Variants in GCNT2 observed in about 807,000 individuals in gnomAD.
The protein encoded by GCNT2 is N-acetyllactosaminide beta-1,6-N-acetylglucosaminyl-transferase.
A neutral mutation model predicts 34.2 loss-of-function variants in GCNT2; 34 were observed. The ratio of observed to expected loss-of-function variants is 1.00; its 90% CI spans 0.76 to 1.32. GCNT2 has a LOEUF of 1.32. Among genes scored for constraint, GCNT2 ranks in the 40% most tolerant of loss-of-function variants. GCNT2 has a pLI of 0.00. For missense variants in GCNT2, 584 were observed against 489.4 expected, an observed-to-expected ratio of 1.19 and a Z score of -1.82; for synonymous variants, 212 against 188.0, an observed-to-expected ratio of 1.13 and a Z score of -1.04.
chr6:10,614,625 CAAAAAAA>C (rs34015959), intron 3 of GCNT2, among the ~76,000 whole-genome samples: 9 of 105,992 alleles, frequency 8.5e-5, no homozygotes, highest in East Asian at 4.6e-4. Context: ...GACTCTGTCT[CAAAAAAA>C]AAAAAAAAAA....
intron 3 of GCNT2, among the ~76,000 whole-genome samples, chr6:10,538,651 TA>T (rs1761896880): frequency 6.6e-6 from 1 of 151,790 alleles, no homozygotes; most frequent in African/African-American, 2.4e-5. Context: ...TTTGAGTTTA[TA>T]AAAAGATTGT....
At chr6:10,596,734 TAA>T (rs71548853) in intron 3 of GCNT2, among the ~76,000 whole-genome samples, 2 of 143,730 alleles carry the variant, frequency 1.4e-5, no homozygotes, top group Admixed American at 7.0e-5. Context: ...TTTCCTCTAT[TAA>T]AAAAAAAAAA....
rs143509043 is a variant in GCNT2, at chr6:10,576,697, G to C, written c.926-44654G>C. Among the ~76,000 whole-genome samples the C allele has an allele frequency of 4.5e-3, 677 of 151,124 alleles. 5 individuals are homozygous for C. Among genetic ancestry groups the C allele is most frequent in the African/African-American group, 0.016 (636 of 40,834 alleles). ...AGAAAGAGATTTGGGGAGAGAGAGA[G>C]ACACACACATAGAAAGAAGAACCAG... On this transcript the variant is annotated intron_variant, in intron 3 of 4. Coordinates refer to ENST00000495262, the MANE Select transcript of GCNT2 (RefSeq NM_145649.5).
At chr6:10,577,938 C>T (rs565172435) in intron 3 of GCNT2, among the ~76,000 whole-genome samples, 2 of 152,268 alleles carry the variant, frequency 1.3e-5, no homozygotes, top group African/African-American at 4.8e-5. Flanking sequence ...AACACTTATT[C>T]CTTGATTTAA....
chr6:10,551,307 A>C (rs1030713096), intron 3 of GCNT2, among the ~76,000 whole-genome samples: 3 of 152,032 alleles, frequency 2.0e-5, no homozygotes, highest in African/African-American at 7.2e-5. Context: ...TGCAGATTAC[A>C]CCAGCTCACA....
At chr6:10,556,481 A>C in intron 3 of GCNT2, 1 of 1,614,140 alleles carries the variant, frequency 6.2e-7, no homozygotes, top group South Asian at 1.1e-5. Flanking sequence ...AATTATTTTT[A>C]TCGTCTTCTC....
intron 3 of GCNT2, among the ~76,000 whole-genome samples, chr6:10,613,416 G>A (rs1455221281): frequency 4.0e-5 from 6 of 151,696 alleles, no homozygotes; most frequent in African/African-American, 1.5e-4. Flanking sequence ...ATGAAAAATA[G>A]GCCTTTGCTA....
chr6:10,589,940 T>G (rs1006007835), intron 3 of GCNT2, among the ~76,000 whole-genome samples: 3 of 152,198 alleles, frequency 2.0e-5, no homozygotes, highest in African/African-American at 4.8e-5. Flanking sequence ...TTCATTACTT[T>G]GTAGTATTTT....
At chr6:10,587,567 T>A (rs1764411884) in intron 3 of GCNT2, among the ~76,000 whole-genome samples, 1 of 152,194 alleles carries the variant, frequency 6.6e-6, no homozygotes, top group Admixed American at 6.5e-5. Flanking sequence ...AAGAGAATTC[T>A]CAATTTTTAA....
At position 10,529,174 on chromosome 6, in the gene GCNT2, T is replaced by A. The variant is rs143453847; in HGVS notation, c.263T>A (p.Leu88His). 123 of 1,613,964 alleles carry A rather than the reference T, an allele frequency of 7.6e-5. No individual in the cohort carries two copies. The highest frequency in any genetic ancestry group is 1.0e-4 in the Non-Finnish European group (120 of 1,179,996). Reference sequence around the variant, plus strand: ...CGAAGCCACTATGTAACAGAAACACTCTCTGAAGAAGAGGCTGGGTTCCCT... The same window carrying A: ...CGAAGCCACTATGTAACAGAAACACACTCTGAAGAAGAGGCTGGGTTCCCT... ...MVRSHYVTET[L>H]SEEEAGFPLA... is the part of the protein sequence containing the mutation. The change falls in exon 3 of 5, where the codon CTC (leucine) becomes CAC (histidine). Residue 88 changes from leucine (L) to histidine (H), a missense_variant. Physicochemically the swap from Leu to His is moderately conservative, Grantham distance 99. Transcript: ENST00000495262.
At chr6:10,573,281 A>G (rs1227538439) in intron 3 of GCNT2, 6 of 985,016 alleles carry the variant, frequency 6.1e-6, no homozygotes, top group Non-Finnish European at 7.2e-6. Context: ...AAAGACAAAT[A>G]GTTACCTACG....
intron 3 of GCNT2, among the ~76,000 whole-genome samples, chr6:10,569,758 T>C (rs182863820): frequency 6.6e-6 from 1 of 152,354 alleles, no homozygotes; most frequent in East Asian, 1.9e-4. Context: ...TTTCTCAGTG[T>C]AGTTTTTCCA....
rs968608079 is a variant in GCNT2, at chr6:10,581,993, TATAA to T, written c.926-39354_926-39351del. On this transcript the variant is annotated intron_variant, in intron 3 of 4. Transcript: ENST00000495262. ...ATATATACACACACTTATATGTATA[TATAA>T]ATATATTTATGTGTATATATGTATA... The T allele has an allele frequency of 6.1e-5, 16 of 263,934 alleles. No homozygotes were observed. In the East Asian group the frequency reaches 7.1e-4, roughly 12 times the overall value. 16.3% of individuals were successfully genotyped at this position (263,934 alleles called of 1,614,324 possible).
chr6:10,590,504 C>T lies in GCNT2; in HGVS notation c.926-30847C>T, dbSNP rs1382398184. Among the ~76,000 whole-genome samples, 5 of 151,906 alleles carry T rather than the reference C, an allele frequency of 3.3e-5. No homozygotes were observed. The East Asian group carries it at 7.7e-4, about 23-fold the overall frequency. ...ACCCTCATTTCTCTTTATTTGATGC[C>T]TCATACTTTATGTTCCAGCAACTAC... On this transcript the variant is annotated intron_variant, in intron 3 of 4. Coordinates refer to ENST00000495262, the MANE Select transcript of GCNT2 (RefSeq NM_145649.5).
intron 3 of GCNT2, among the ~76,000 whole-genome samples, chr6:10,561,910 C>T (rs540406245): frequency 3.4e-4 from 51 of 151,520 alleles, no homozygotes; most frequent in South Asian, 4.2e-4. Flanking sequence ...CTAAAAATAT[C>T]GTGTTTCCTA....
intron 4 of GCNT2, among the ~76,000 whole-genome samples, chr6:10,622,451 C>A (rs1169070109): frequency 1.3e-5 from 2 of 151,888 alleles, no homozygotes; most frequent in Non-Finnish European, 2.9e-5. Flanking sequence ...GTGTCTGTGT[C>A]CTAATCGCCT....
intron 3 of GCNT2, among the ~76,000 whole-genome samples, chr6:10,582,096 A>G (rs1462875788): frequency 7.0e-6 from 1 of 142,690 alleles, no homozygotes; most frequent in East Asian, 2.0e-4. Context: ...ACAAAAATAT[A>G]TCTCTTAAAG....
At chr6:10,524,973 C>T (rs949520303) in intron 1 of GCNT2, among the ~76,000 whole-genome samples, 2 of 151,954 alleles carry the variant, frequency 1.3e-5, no homozygotes, top group East Asian at 1.9e-4. Context: ...AAGTTTCCAT[C>T]GGCCCACCCC....
chr6:10,522,154 C>T (rs547936102), intron 1 of GCNT2, among the ~76,000 whole-genome samples: 1 of 152,220 alleles, frequency 6.6e-6, no homozygotes, highest in East Asian at 1.9e-4. Flanking sequence ...TCCTGAAGTG[C>T]TGGGATTACA....
Sources: allele counts gnomAD v4.1 joint callset (sites outside exome capture counted in the v4.1 genomes callset), GRCh38; gene constraint gnomAD v4.1.1; transcripts MANE v1.5; gene names NCBI Gene and HGNC (gene_info 2026-07-23, HGNC 2026-07-21).